The following PCYOX1 variants were observed in gnomAD, a reference collection of about 807,000 sequenced individuals.
The protein encoded by PCYOX1 is prenylcysteine oxidase 1.
PCYOX1 carries 46 observed loss-of-function variants against 46.4 expected under a neutral mutation model. The ratio of observed to expected loss-of-function variants is 0.99; its 90% confidence interval spans 0.78 to 1.27. The LOEUF is 1.27. Ranked by LOEUF, PCYOX1 falls within the 50% of genes most tolerant of loss-of-function variation. PCYOX1 has a pLI of 0.00. For missense variants in PCYOX1, 658 were observed against 628.3 expected (o/e 1.05, Z -0.51); for synonymous variants, 220 against 231.8 (o/e 0.95, Z 0.46).
At chr2:70,274,437 C>A (rs999506177) in intron 3 of PCYOX1, among the ~76,000 whole-genome samples, 1 of 151,848 alleles carries the variant, frequency 6.6e-6, no homozygotes, top group African/African-American at 2.4e-5. Flanking sequence ...ACCTAGTGAT[C>A]TGCCTGCCTT....
Position 70,263,860 on chromosome 2 carries a change from C to T in PCYOX1, c.494+2474C>T, listed in dbSNP as rs550314455. Among the ~76,000 whole-genome samples, 11 of 151,500 alleles carry T rather than the reference C, an allele frequency of 7.3e-5. No homozygotes were observed. In the South Asian group the frequency reaches 1.0e-3, roughly 14 times the overall value. ...ATTTTTAGTAGAGATGTGGTTTCACCGTGTTAGCCAGGCTGGTCTCAAACT... is the reference window on the plus strand; with the variant it reads ...ATTTTTAGTAGAGATGTGGTTTCACTGTGTTAGCCAGGCTGGTCTCAAACT... On this transcript the variant is annotated intron_variant, in intron 3 of 5. Coordinates refer to ENST00000433351, the MANE Select transcript of PCYOX1 (RefSeq NM_016297.4).
chr2:70,261,852 T>C (rs1696445225), intron 3 of PCYOX1, among the ~76,000 whole-genome samples: 1 of 152,170 alleles, frequency 6.6e-6, no homozygotes, highest in South Asian at 2.1e-4. Context: ...TGAGATAATG[T>C]GTACAAGAGC....
At chr2:70,266,233 A>C (rs187314936) in intron 3 of PCYOX1, among the ~76,000 whole-genome samples, 2 of 152,180 alleles carry the variant, frequency 1.3e-5, no homozygotes, top group Non-Finnish European at 2.9e-5. Context: ...TTAGAGAGGC[A>C]GGAGGATCAG....
Position 70,277,298 on chromosome 2 carries a change from A to G in PCYOX1, c.1424A>G (p.His475Arg). The G allele has an allele frequency of 6.2e-7, 1 of 1,613,572 alleles. No homozygotes were observed. Among genetic ancestry groups the G allele is most frequent in the African/African-American group, 1.3e-5 (1 of 75,046 alleles). The change falls in exon 6 of 6, where the codon CAC (histidine) becomes CGC (arginine). Residue 475 changes from histidine (H) to arginine (R), a missense_variant. By Grantham distance (29) the His-to-Arg change is conservative. Coordinates refer to ENST00000433351, the MANE Select transcript of PCYOX1 (RefSeq NM_016297.4). ...ATGGAGATGAGTGCCATTGCAGCCC[A>G]CAACGCTGCACTCCTTGCCTATCAC... ...SAMEMSAIAA[H>R]NAALLAYHRW...
intron 3 of PCYOX1, among the ~76,000 whole-genome samples, chr2:70,269,648 G>GT (rs1696574686): frequency 1.3e-5 from 2 of 151,830 alleles, no homozygotes; most frequent in Non-Finnish European, 2.9e-5. Context: ...TTTTTAAAAA[G>GT]TTTTTTTGGT....
At chr2:70,259,606 T>C (rs1276137772) in intron 2 of PCYOX1, 40 bp downstream of exon 2, 2 of 1,395,230 alleles carry the variant, frequency 1.4e-6, no homozygotes, top group Non-Finnish European at 2.0e-6. Context: ...GATTACTGTG[T>C]GACATCCCCG....
At chr2:70,270,057 C>T (rs997068681) in intron 3 of PCYOX1, among the ~76,000 whole-genome samples, 2 of 151,840 alleles carry the variant, frequency 1.3e-5, no homozygotes, top group African/African-American at 2.4e-5. Context: ...TGCAATGGTG[C>T]GATCTTGGCT....
chr2:70,269,990 T>C (rs984959058), intron 3 of PCYOX1, among the ~76,000 whole-genome samples: 4 of 152,074 alleles, frequency 2.6e-5, no homozygotes, highest in Admixed American at 6.6e-5. Flanking sequence ...TCTCTCTCTC[T>C]TTTTCTCTTT....
At chr2:70,271,332 A>C (rs1004703295) in intron 3 of PCYOX1, among the ~76,000 whole-genome samples, 1 of 149,554 alleles carries the variant, frequency 6.7e-6, no homozygotes, top group Non-Finnish European at 1.5e-5. Flanking sequence ...CAAATAGTTC[A>C]TCTTTAACAT....
chr2:70,261,234 T>A lies in PCYOX1; in HGVS notation c.342T>A (p.Ser114=). The A allele has an allele frequency of 6.2e-7, 1 of 1,609,824 alleles. No homozygotes were observed. The highest frequency in any genetic ancestry group is 1.1e-5 in the South Asian group (1 of 90,962). ...KDLGLSAVQA[S]GGLLGIYNGE... ...CAGGTCTCTCTGCTGTTCAGGCCTC[T>A]GGTGGCCTACTGGGGATATATAATG... The change falls in exon 3 of 6, where the codon TCT becomes TCA. Residue 114 remains serine, a synonymous_variant. Coordinates refer to ENST00000433351, the MANE Select transcript of PCYOX1 (RefSeq NM_016297.4).
intron 3 of PCYOX1, among the ~76,000 whole-genome samples, chr2:70,270,829 G>A (rs1278168492): frequency 6.6e-6 from 1 of 152,004 alleles, no homozygotes; most frequent in Non-Finnish European, 1.5e-5. Context: ...GAGTGCAGTG[G>A]CACGATCTTG....
chr2:70,265,330 A>G (rs914657992), intron 3 of PCYOX1, among the ~76,000 whole-genome samples: 3 of 150,564 alleles, frequency 2.0e-5, no homozygotes, highest in African/African-American at 4.9e-5. Flanking sequence ...AGCTGGGACT[A>G]TAGGCATGTG....
At chr2:70,270,466 A>T (rs1442270215) in intron 3 of PCYOX1, among the ~76,000 whole-genome samples, 3 of 152,200 alleles carry the variant, frequency 2.0e-5, no homozygotes, top group Non-Finnish European at 4.4e-5. Context: ...TCTCCCCAGT[A>T]ACATTTCTGG....
chr2:70,277,786 G>T lies in PCYOX1; in HGVS notation c.*394G>T, dbSNP rs1696708376. The T allele has an allele frequency of 1.2e-5, 2 of 162,192 alleles. No homozygotes were observed. Among genetic ancestry groups the T allele is most frequent in the South Asian group, 3.5e-4 (2 of 5,664 alleles). The allele number at this position is 162,192 out of a possible 1,614,324, so 10.0% of individuals were successfully genotyped here. ...CACCTGGAGTTTGTTAAACCATATG[G>T]ATTCTCAAGCTCCTCTCTTGAAGAT... On this transcript the variant is annotated 3_prime_UTR_variant, in exon 6 of 6. Transcript: ENST00000433351.
At chr2:70,274,863 T>C in intron 3 of PCYOX1, 96 bp from the exon 4 acceptor site, 1 of 811,040 alleles carries the variant, frequency 1.2e-6, no homozygotes, top group South Asian at 1.4e-5. Flanking sequence ...TGCACCTAGA[T>C]GTCAGTTTGA....
Position 70,277,361 on chromosome 2 carries a change from G to C in PCYOX1, c.1487G>C (p.Gly496Ala). ...CACACAGACATGATTGATCAGGATGGCTTATATGAGAAACTTAAAACTGAA... is the reference window on the plus strand; with the variant it reads ...CACACAGACATGATTGATCAGGATGCCTTATATGAGAAACTTAAAACTGAA... The part of the protein sequence containing the change: ...NGHTDMIDQD[G>A]LYEKLKTEL The change falls in exon 6 of 6, where the codon GGC (glycine) becomes GCC (alanine). Residue 496 changes from glycine to alanine, a missense_variant. Transcript: ENST00000433351. 6.2e-7 allele frequency: 1 copy of C among 1,600,828 alleles called. No individual in the cohort carries two copies.
At position 70,261,312 on chromosome 2, in the gene PCYOX1, A is replaced by G; in HGVS notation, c.420A>G (p.Lys140=). 1 of 1,612,232 alleles carries G rather than the reference A, an allele frequency of 6.2e-7. No homozygotes were observed. The highest frequency in any genetic ancestry group is 8.5e-7 in the Non-Finnish European group (1 of 1,178,210). Residue 140 remains lysine, a synonymous_variant, in exon 3 of 6, where the codon AAA becomes AAG. Transcript: ENST00000433351. The part of the protein sequence containing the change: ...ESNWFIINVI[K]LVWRYGFQSL... Reference sequence around the variant, plus strand: ...ACTGGTTCATAATTAACGTGATTAAATTAGTTTGGCGCTATGGATTTCAAT... The same window carrying G: ...ACTGGTTCATAATTAACGTGATTAAGTTAGTTTGGCGCTATGGATTTCAAT...
chr2:70,270,086 C>T (rs1419810412), intron 3 of PCYOX1, among the ~76,000 whole-genome samples: 1 of 152,078 alleles, frequency 6.6e-6, no homozygotes, highest in Non-Finnish European at 1.5e-5. Flanking sequence ...CCTCCATCTC[C>T]TGGGTTCAAG....
chr2:70,275,814 A>C, intron 5 of PCYOX1, 148 bp downstream of exon 5: 14 of 802,766 alleles, frequency 1.7e-5, no homozygotes, highest in Non-Finnish European at 2.3e-5. Flanking sequence ...ATATTCCCCA[A>C]TGGGCCAGGC....
Sources: allele counts gnomAD v4.1 joint callset (sites outside exome capture counted in the v4.1 genomes callset), GRCh38; gene constraint gnomAD v4.1.1; transcripts MANE v1.5; gene names NCBI Gene and HGNC (gene_info 2026-07-23, HGNC 2026-07-21).